SETD2: variants seen among roughly 807,000 people sequenced by gnomAD.
SETD2 encodes the protein SET domain containing 2, histone lysine methyltransferase.
SETD2 carries 31 observed loss-of-function variants against 242.1 expected under a neutral mutation model. That is an observed-to-expected ratio of 0.13 (90% CI 0.10 to 0.17). SETD2 has a LOEUF of 0.17. Among genes scored for constraint, SETD2 ranks in the 10% least tolerant of loss-of-function variants. The pLI is 1.00. For missense variants in SETD2, 2,481 were observed against 3,046.3 expected, an observed-to-expected ratio of 0.81 and a Z score of 4.37; for synonymous variants, 1,006 against 1,066.5, an observed-to-expected ratio of 0.94 and a Z score of 1.11.
chr3:47,042,496 T>G (rs1320899458), intron 17 of SETD2, 65 bp downstream of exon 17: 1 of 1,558,234 alleles, frequency 6.4e-7, no homozygotes, highest in Non-Finnish European at 8.8e-7. Flanking sequence ...AAAACTCCCC[T>G]TATAGTGGCA....
rs539731754 is a variant in SETD2 at position 47,108,409 on chromosome 3, T to C, written c.4716-2289A>G. 3.9e-5 allele frequency among the ~76,000 whole-genome samples: 6 copies of C among 152,268 alleles called. No homozygotes were observed. In the South Asian group the frequency reaches 1.2e-3, roughly 32 times the overall value. On this transcript the variant is annotated intron_variant, in intron 5 of 20. Coordinates refer to ENST00000409792, the MANE Select transcript of SETD2 (RefSeq NM_014159.7). The stretch of plus-strand genomic sequence containing the variant: ...CATCTGGCATCGATATTATGCCCAT[T>C]TGACAAATAAGACAGAGTTTGGATA...
At chr3:47,099,731 T>C (rs926414206) in intron 8 of SETD2, among the ~76,000 whole-genome samples, 1 of 152,144 alleles carries the variant, frequency 6.6e-6, no homozygotes, top group African/African-American at 2.4e-5. Flanking sequence ...CACCTCACCC[T>C]CCTGAGTAGC....
intron 15 of SETD2, among the ~76,000 whole-genome samples, chr3:47,055,676 G>A (rs983165391): frequency 1.3e-5 from 2 of 151,500 alleles, no homozygotes; most frequent in Admixed American, 1.3e-4. Flanking sequence ...CCGGGTGGCA[G>A]AGCAAGACCT....
intron 12 of SETD2, among the ~76,000 whole-genome samples, chr3:47,075,559 C>T (rs1405329363): frequency 5.0e-5 from 4 of 80,178 alleles, no homozygotes; most frequent in Non-Finnish European, 7.0e-5. Flanking sequence ...ATCAAAACTC[C>T]GTCTCAAAAA....
At chr3:47,056,207 C>T (rs2040076247) in intron 15 of SETD2, among the ~76,000 whole-genome samples, 1 of 151,066 alleles carries the variant, frequency 6.6e-6, no homozygotes, top group Admixed American at 6.6e-5. Context: ...TCACTGTAAC[C>T]TCTGCCTCCT....
chr3:47,164,036 G>GGCGGCGGCA lies in SETD2; in HGVS notation c.-121_-113dup. ...CCGCGGCGGCGGCGGCGGCGGCGGC[G>GGCGGCGGCA]GCGGCGGCAGGGGCGGCCCGCGTCG... On this transcript the variant is annotated 5_prime_UTR_variant, in exon 1 of 21. Transcript: ENST00000409792. This position sits in a 1 kb window ranked among gnomAD's most constrained non-coding sequence, Gnocchi z 5.4. 1 of 449,678 alleles carries GGCGGCGGCA rather than the reference G, an allele frequency of 2.2e-6. No individual in the cohort carries two copies. The highest frequency in any genetic ancestry group is 6.8e-5 in the East Asian group (1 of 14,686). 27.9% of individuals were successfully genotyped at this position (449,678 alleles called of 1,614,324 possible). A position where few individuals can be genotyped will look rare whatever the true frequency, so the allele number is the denominator to read the frequency against.
At chr3:47,109,910 C>T (rs529014700) in intron 5 of SETD2, among the ~76,000 whole-genome samples, 3 of 149,384 alleles carry the variant, frequency 2.0e-5, no homozygotes, top group South Asian at 2.1e-4. Context: ...CACTTGAACC[C>T]GGGAAGCAGA....
In SETD2 at chr3:47,033,643, C is replaced by A. The variant is rs527959588; in HGVS notation, c.7350+4023G>T. Among the ~76,000 whole-genome samples, 1,149 of 140,810 alleles carry A rather than the reference C, an allele frequency of 8.2e-3. 9 individuals carry two copies. Among genetic ancestry groups the A allele is most frequent in the Middle Eastern group, 0.035 (9 of 260 alleles). The allele number at this position is 140,810 out of a possible 152,430, so 92.4% of individuals were successfully genotyped here. A position where few individuals can be genotyped will look rare whatever the true frequency, so the allele number is the denominator to read the frequency against. On this transcript the variant is annotated intron_variant, in intron 18 of 20. Transcript: ENST00000409792. ...AAGTAACTAAAGTTATAAGCCCTGTCATGGTTTGATTTTTTTTTTTTTTTT... is the reference window on the plus strand; with the variant it reads ...AAGTAACTAAAGTTATAAGCCCTGTAATGGTTTGATTTTTTTTTTTTTTTT...
Position 47,140,371 on chromosome 3 carries a change from G to A in SETD2, c.72-13708C>T, listed in dbSNP as rs190203249. On this transcript the variant is annotated intron_variant, in intron 1 of 20. Transcript: ENST00000409792. ...CCTAACCTGAACATTTTAGAGCCCA[G>A]TGTTGAAGACTATTGTATTCAATTG... 1.7e-3 allele frequency among the ~76,000 whole-genome samples: 263 copies of A among 152,286 alleles called. 5 individuals carry two copies. The highest frequency in any genetic ancestry group is 5.9e-4 in the Non-Finnish European group (40 of 68,018).
Position 47,105,986 on chromosome 3 carries a change from A to G in SETD2, c.4839+11T>C, listed in dbSNP as rs2042404345. ...GATCTGTTTCAAGGCAAACATATCC[A>G]AGCTGCTTACCTCATCATTCTTCAG... is the stretch of plus-strand genomic sequence containing the variant. On this transcript the variant is annotated intron_variant, in intron 6 of 20. Coordinates refer to ENST00000409792, the MANE Select transcript of SETD2 (RefSeq NM_014159.7). 1.2e-6 allele frequency: 2 copies of G among 1,612,836 alleles called. 1 individual carries two copies. The highest frequency in any genetic ancestry group is 2.2e-5 in the South Asian group (2 of 91,030).
intron 16 of SETD2, among the ~76,000 whole-genome samples, chr3:47,044,132 G>A (rs982041440): frequency 6.6e-6 from 1 of 151,848 alleles, no homozygotes; most frequent in African/African-American, 2.4e-5. Flanking sequence ...CACGAGGTCA[G>A]GAGTTTGAGA....
chr3:47,098,257 TA>T, intron 8 of SETD2, 176 bp from the exon 9 acceptor site: 1 of 448,072 alleles, frequency 2.2e-6, no homozygotes. Flanking sequence ...AACTGCTCTT[TA>T]AAAATATTCA....
intron 5 of SETD2, among the ~76,000 whole-genome samples, chr3:47,108,497 A>C (rs1053823835): frequency 2.6e-5 from 4 of 152,192 alleles, no homozygotes; most frequent in African/African-American, 9.6e-5. Flanking sequence ...ACTCCACCTA[A>C]ATAACTATTT....
At chr3:47,150,816 T>A (rs2043966525) in intron 1 of SETD2, among the ~76,000 whole-genome samples, 1 of 151,200 alleles carries the variant, frequency 6.6e-6, no homozygotes, top group Non-Finnish European at 1.5e-5. Context: ...TAAATAAAAT[T>A]AGGCGTAGTG....
intron 8 of SETD2, among the ~76,000 whole-genome samples, chr3:47,099,403 T>C (rs1360860983): frequency 1.3e-5 from 2 of 152,204 alleles, no homozygotes; most frequent in African/African-American, 4.8e-5. Context: ...TACTGGTTTC[T>C]TAATAATCAG....
chr3:47,080,924 T>C (rs1195195762), intron 12 of SETD2: 7 of 986,876 alleles, frequency 7.1e-6, no homozygotes, highest in Non-Finnish European at 7.2e-6. Flanking sequence ...ACCTATTATA[T>C]TTTTCATGCA....
intron 18 of SETD2, among the ~76,000 whole-genome samples, chr3:47,030,800 C>A (rs2038729140): frequency 6.6e-6 from 1 of 152,044 alleles, no homozygotes; most frequent in African/African-American, 2.4e-5. Flanking sequence ...TAAACCTGTA[C>A]ATGGATGTTT....
At chr3:47,021,259 G>A (rs1198716605) in intron 18 of SETD2, among the ~76,000 whole-genome samples, 1 of 152,118 alleles carries the variant, frequency 6.6e-6, no homozygotes, top group Non-Finnish European at 1.5e-5. Context: ...GTAGCTCTCA[G>A]AAGTCAGCAG....
chr3:47,049,288 T>A (rs2039682411), intron 15 of SETD2, among the ~76,000 whole-genome samples: 1 of 139,484 alleles, frequency 7.2e-6, no homozygotes. Context: ...AAGTTTTTTA[T>A]AGAATAAGTT....
Sources: gnomAD v4.1 joint callset for allele counts (sites outside exome capture counted in the v4.1 genomes callset) on GRCh38, gnomAD v4.1.1 for gene constraint, Gnocchi (gnomAD v3.1) non-coding constraint, MANE v1.5 for transcripts, NCBI Gene and HGNC (gene_info 2026-07-23, HGNC 2026-07-21) for gene names.